LPA: variants seen among roughly 807,000 people sequenced by gnomAD.
LPA encodes apolipoprotein(a).
Under a neutral mutation model 197.9 loss-of-function variants are expected in LPA, and 199 were observed. The ratio of observed to expected loss-of-function variants is 1.01; its 90% CI spans 0.90 to 1.13. LPA has a LOEUF of 1.13. LPA is among the 50% of genes most tolerant of loss of function. The probability of loss-of-function intolerance (pLI) is 0.00; values close to 1 mark genes in which losing one functional copy is unlikely to be tolerated. For missense variants in LPA, 1,853 were observed against 1,785.8 expected (o/e 1.04, Z -0.68); for synonymous variants, 715 against 639.5 (o/e 1.12, Z -1.78).
chr6:160,589,824 C>T (rs1018776558), intron 23 of LPA, 112 bp from the exon 24 acceptor site: 1 of 1,247,862 alleles, frequency 8.0e-7, no homozygotes, highest in Non-Finnish European at 1.2e-6. Flanking sequence ...CGACCATGCT[C>T]TGTTCTACAT....
At chr6:160,658,641 T>C (rs1185696141) in intron 1 of LPA, among the ~76,000 whole-genome samples, 1 of 152,196 alleles carries the variant, frequency 6.6e-6, no homozygotes, top group African/African-American at 2.4e-5. Context: ...GTCAAATGCA[T>C]TTATTTTGCA....
At chr6:160,591,161 C>T (rs1779022988) in intron 22 of LPA, 60 bp from the exon 23 acceptor site, 2 of 1,597,158 alleles carry the variant, frequency 1.3e-6, no homozygotes, top group African/African-American at 1.3e-5. Context: ...GGGCACCAGA[C>T]ATCCTCTACA....
intron 1 of LPA, among the ~76,000 whole-genome samples, chr6:160,653,924 T>G (rs1582901979): frequency 2.0e-5 from 1 of 49,794 alleles, no homozygotes; most frequent in African/African-American, 7.4e-5. Context: ...ACAGAACTAA[T>G]AGGATATATA....
intron 1 of LPA, among the ~76,000 whole-genome samples, chr6:160,653,989 A>ATATATTATATAGTATATAT (rs1562354561): frequency 2.6e-4 from 2 of 7,800 alleles, no homozygotes; most frequent in African/African-American, 7.1e-4. Flanking sequence ...ATAATATATA[A>ATATATTATATAGTATATAT]TATATATTAT....
In LPA at chr6:160,600,973, G is replaced by A. The variant is rs762751922; in HGVS notation, c.3071C>T (p.Ala1024Val). The change falls in exon 19 of 39, where the codon GCC becomes GTC. Residue 1024 changes from alanine to valine, a missense_variant. Around this residue, in one of 3 missense-constraint regions of LPA, gnomAD observed 1,737 missense variants for 1,504.4 expected, o/e 1.15. Transcript: ENST00000316300. The stretch of plus-strand genomic sequence containing the variant: ...CAGAATAACATTCGGAGGGACGAAG[G>A]CAGTCCATTCTGCATCTGAGCATCG... ...LTRCSDAEWT[A>V]FVPPNVILAP... 6.2e-7 allele frequency: 1 copy of A among 1,613,750 alleles called. No individual in the cohort carries two copies. The highest frequency in any genetic ancestry group is 1.3e-5 in the African/African-American group (1 of 74,908).
intron 37 of LPA, among the ~76,000 whole-genome samples, chr6:160,535,267 A>G (rs1271277804): frequency 6.8e-6 from 1 of 146,238 alleles, no homozygotes; most frequent in African/African-American, 2.6e-5. Flanking sequence ...GGCAGTGGTG[A>G]TGATGGTGGT....
At chr6:160,580,402 C>A (rs1330379671) in intron 26 of LPA, among the ~76,000 whole-genome samples, 1 of 152,000 alleles carries the variant, frequency 6.6e-6, no homozygotes, top group African/African-American at 2.4e-5. Flanking sequence ...CTTATGTTTT[C>A]ATTTTGGGGG....
chr6:160,557,340 T>C (rs776735390), intron 29 of LPA, 50 bp downstream of exon 29: 1 of 1,602,052 alleles, frequency 6.2e-7, no homozygotes, highest in South Asian at 1.1e-5. Flanking sequence ...TTTCCATCTC[T>C]TTTCATCCCA....
chr6:160,663,239 T>A lies in LPA; in HGVS notation c.49+927A>T, dbSNP rs1321296664. On this transcript the variant is annotated intron_variant, in intron 1 of 38. Transcript: ENST00000316300. ...TTCTGCAAGTGGCAAACAATTAACC[T>A]GCTCTTCAGTTACATTGGAATGTGT... Among the ~76,000 whole-genome samples, 3 of 152,260 alleles carry A rather than the reference T, an allele frequency of 2.0e-5. No individual in the cohort carries two copies. In the South Asian group the frequency reaches 6.2e-4, roughly 31 times the overall value.
At chr6:160,634,992 C>T (rs1779781855) in intron 7 of LPA, 131 bp downstream of exon 7, 1 of 1,505,306 alleles carries the variant, frequency 6.6e-7, no homozygotes, top group Non-Finnish European at 9.1e-7. Context: ...CGGAGGCTTC[C>T]CCCAACATGG....
intron 2 of LPA, among the ~76,000 whole-genome samples, chr6:160,648,784 T>A (rs988194949): frequency 3.3e-5 from 5 of 152,206 alleles, no homozygotes; most frequent in African/African-American, 1.2e-4. Flanking sequence ...TGTCTCTGGA[T>A]AAGGTGTCTG....
At chr6:160,601,926 T>C (rs927880570) in intron 18 of LPA, among the ~76,000 whole-genome samples, 1 of 152,170 alleles carries the variant, frequency 6.6e-6, no homozygotes, top group Non-Finnish European at 1.5e-5. Context: ...CTGGGCAGAC[T>C]ATGAGGTCTG....
Position 160,601,083 on chromosome 6 carries a change from G to C in LPA, c.2961C>G (p.Asn987Lys). The C allele has an allele frequency of 6.2e-7, 1 of 1,614,034 alleles. No individual in the cohort carries two copies. The highest frequency in any genetic ancestry group is 8.5e-7 in the Non-Finnish European group (1 of 1,179,962). ...CCACAGGATCTGGATTTCGGCAGTAGTTCTTGATCAAGCCACTGGAAATTC... is the reference window on the plus strand; with the variant it reads ...CCACAGGATCTGGATTTCGGCAGTACTTCTTGATCAAGCCACTGGAAATTC... Reference protein sequence around the residue: ...AYYPNAGLIKNYCRNPDPVAA... With the variant: ...AYYPNAGLIKKYCRNPDPVAA... Residue 987 changes from asparagine (N) to lysine (K), a missense_variant, in exon 19 of 39, where the codon AAC (asparagine) becomes AAG (lysine). Around this residue, in one of 3 missense-constraint regions of LPA, gnomAD observed 1,737 missense variants for 1,504.4 expected, o/e 1.15. Transcript: ENST00000316300.
intron 1 of LPA, among the ~76,000 whole-genome samples, chr6:160,661,035 C>T (rs972312928): frequency 2.0e-5 from 3 of 151,514 alleles, no homozygotes; most frequent in Non-Finnish European, 2.9e-5. Flanking sequence ...AAGTGGGGCT[C>T]AGCTGTGTTC....
At chr6:160,584,063 C>A (rs1778848951) in intron 26 of LPA, among the ~76,000 whole-genome samples, 1 of 152,056 alleles carries the variant, frequency 6.6e-6, no homozygotes, top group South Asian at 2.1e-4. Context: ...TGCATTCCTG[C>A]TTTTACTCTG....
At chr6:160,551,287 T>C (rs1006546113) in intron 30 of LPA, among the ~76,000 whole-genome samples, 2 of 152,220 alleles carry the variant, frequency 1.3e-5, no homozygotes, top group African/African-American at 4.8e-5. Flanking sequence ...TTATTTTTCA[T>C]GGCTGAGATA....
intron 30 of LPA, among the ~76,000 whole-genome samples, chr6:160,552,535 G>A (rs1398297183): frequency 6.6e-6 from 1 of 152,116 alleles, no homozygotes. Context: ...ATTTTCCAAA[G>A]GATCATAGCA....
chr6:160,548,358 T>C, intron 31 of LPA, 120 bp downstream of exon 31: 2 of 1,007,752 alleles, frequency 2.0e-6, no homozygotes, highest in African/African-American at 1.6e-5. Context: ...CAACCAACAC[T>C]CGAGCTCCCG....
chr6:160,569,407 G>A (rs1342754726), intron 28 of LPA, among the ~76,000 whole-genome samples: 1 of 151,966 alleles, frequency 6.6e-6, no homozygotes, highest in East Asian at 1.9e-4. Flanking sequence ...AATACATGGT[G>A]CTGGGAAAAC....
Sources: allele counts gnomAD v4.1 joint callset (sites outside exome capture counted in the v4.1 genomes callset), GRCh38; gene constraint gnomAD v4.1.1; regional missense constraint gnomAD v4.1.1; transcripts MANE v1.5; gene names NCBI Gene and HGNC (gene_info 2026-07-23, HGNC 2026-07-21).